WIPF3: variants seen among roughly 807,000 people sequenced by gnomAD.
WIPF3 encodes the protein WAS/WASL-interacting protein family member 3.
WIPF3 carries 33 observed loss-of-function variants against 38.9 expected under a neutral mutation model. The observed-to-expected ratio is 0.85, with a 90% CI of 0.64 to 1.14. The LOEUF is 1.14. WIPF3 is among the 50% of genes most tolerant of loss of function. The pLI is 0.00. For missense variants in WIPF3, 711 were observed against 652.5 expected, an observed-to-expected ratio of 1.09 and a Z score of -0.98; for synonymous variants, 324 against 269.3, an observed-to-expected ratio of 1.20 and a Z score of -1.99.
At chr7:29,907,021 A>G (rs1017023868) in intron 8 of WIPF3, among the ~76,000 whole-genome samples, 3 of 152,204 alleles carry the variant, frequency 2.0e-5, no homozygotes, top group Non-Finnish European at 4.4e-5. Context: ...AGAATACCCA[A>G]GGGAGTCCTA....
intron 2 of WIPF3, among the ~76,000 whole-genome samples, chr7:29,854,633 CCA>C (rs898860847): frequency 9.9e-5 from 15 of 152,256 alleles, no homozygotes; most frequent in Admixed American, 5.2e-4. Flanking sequence ...TTCACAATTA[CCA>C]CGTTTCTTTG....
chr7:29,875,830 G>C lies in WIPF3; in HGVS notation c.91G>C (p.Val31Leu), dbSNP rs1583614147. Residue 31 changes from valine to leucine, a missense_variant and splice_region_variant, in exon 3 of 9, where the codon GTA (valine) becomes CTA (leucine). Transcript: ENST00000242140. ...TCAAATCCCTTTTACTCCCTTACAG[G>C]TAAGCACAGACACCTCCAGCTTGCG... ...PPPPPPSAPP[V>L]STDTSSLRRA... 6.2e-7 allele frequency: 1 copy of C among 1,613,824 alleles called. No homozygotes were observed. Among genetic ancestry groups the C allele is most frequent in the East Asian group, 2.2e-5 (1 of 44,876 alleles).
At chr7:29,822,700 A>G (rs1189609294) in intron 1 of WIPF3, among the ~76,000 whole-genome samples, 1 of 152,252 alleles carries the variant, frequency 6.6e-6, no homozygotes, top group Non-Finnish European at 1.5e-5. Context: ...AACCCGTGTC[A>G]GATCATCCTG....
chr7:29,900,932 G>A (rs1379952717), intron 7 of WIPF3, among the ~76,000 whole-genome samples: 1 of 152,150 alleles, frequency 6.6e-6, no homozygotes, highest in Non-Finnish European at 1.5e-5. Context: ...AGTTAGGTTT[G>A]CTTCAAAGCC....
At chr7:29,826,394 A>AT (rs1784616177) in intron 1 of WIPF3, among the ~76,000 whole-genome samples, 1 of 152,276 alleles carries the variant, frequency 6.6e-6, no homozygotes, top group East Asian at 1.9e-4. Context: ...CAGAATCTGC[A>AT]TTTTAACAAG....
rs749867514 is a variant in WIPF3, at chr7:29,875,849, G to C, written c.110G>C (p.Ser37Thr). 4.3e-6 allele frequency: 7 copies of C among 1,614,066 alleles called. No homozygotes were observed. Among genetic ancestry groups the C allele is most frequent in the Non-Finnish European group, 5.9e-6 (7 of 1,179,888 alleles). The change falls in exon 3 of 9, where the codon AGC becomes ACC. Residue 37 changes from serine (S) to threonine (T), a missense_variant. Transcript: ENST00000242140. ...SAPPVSTDTS[S>T]LRRADPKGRS... The stretch of plus-strand genomic sequence containing the variant: ...TTACAGGTAAGCACAGACACCTCCA[G>C]CTTGCGAAGGGCAGATCCGAAAGGC...
At chr7:29,883,709 C>A in intron 4 of WIPF3, 141 bp from the exon 5 acceptor site, 1 of 1,205,470 alleles carries the variant, frequency 8.3e-7, no homozygotes, top group South Asian at 2.1e-5. Context: ...GCACCTGAGG[C>A]CTCTCAGTGG....
rs758765365 is a variant in WIPF3 at position 29,875,858 on chromosome 7, G to A, written c.119G>A (p.Arg40Lys). The A allele has an allele frequency of 1.9e-5, 30 of 1,613,948 alleles. No individual in the cohort carries two copies. The highest frequency in any genetic ancestry group is 2.5e-5 in the Non-Finnish European group (30 of 1,179,904). ...AGCACAGACACCTCCAGCTTGCGAA[G>A]GGCAGATCCGAAAGGCCGGAGTGCG... ...PVSTDTSSLR[R>K]ADPKGRSALL... Residue 40 changes from arginine to lysine, a missense_variant, in exon 3 of 9, where the codon AGG (arginine) becomes AAG (lysine). Physicochemically the swap from Arg to Lys is conservative, Grantham distance 26. Coordinates refer to ENST00000242140, the MANE Select transcript of WIPF3 (RefSeq NM_001080529.3).
At chr7:29,811,254 T>TATGATG (rs60111327) in intron 1 of WIPF3, among the ~76,000 whole-genome samples, 17,182 of 148,944 alleles carry the variant, frequency 0.12, 1,053 homozygotes, top group African/African-American at 0.16. Flanking sequence ...AATTAGCCAT[T>TATGATG]ATGATGATGA....
At position 29,876,001 on chromosome 7, in the gene WIPF3, GA is replaced by G. The variant is rs1288470658; in HGVS notation, c.223+40del. ...CGGGCCAGGCCTCCTGTGAGCCAAA[GA>G]CAGGACAGGCATGTGAGGCACAGCC... On this transcript the variant is annotated intron_variant, in intron 3 of 8. Transcript: ENST00000242140. The G allele has an allele frequency of 1.1e-5, 18 of 1,607,408 alleles. No homozygotes were observed. In the Admixed American group the frequency reaches 2.2e-4, roughly 19 times the overall value.
chr7:29,881,738 T>TC (rs1312339258), intron 4 of WIPF3, among the ~76,000 whole-genome samples: 1 of 152,240 alleles, frequency 6.6e-6, no homozygotes, highest in Non-Finnish European at 1.5e-5. Context: ...TCCAAGGTCT[T>TC]CTGGAGAACA....
Position 29,884,477 on chromosome 7 carries a change from C to G in WIPF3, c.983C>G (p.Pro328Arg). The G allele has an allele frequency of 6.4e-7, 1 of 1,566,718 alleles. No individual in the cohort carries two copies. Among genetic ancestry groups the G allele is most frequent in the South Asian group, 1.2e-5 (1 of 85,002 alleles). The change falls in exon 5 of 9, where the codon CCT becomes CGT. Residue 328 changes from proline to arginine, a missense_variant. Physicochemically the swap from Pro to Arg is moderately radical, Grantham distance 103 (BLOSUM62 -2). Coordinates refer to ENST00000242140, the MANE Select transcript of WIPF3 (RefSeq NM_001080529.3). ...AGTGAAACTCCACCCCCGCTACCCC[C>G]TAAATCCCCCAGCTTCCAGGCCCCA... ...SSSETPPPLPPKSPSFQAPPQ... is the reference protein window; with the variant it reads ...SSSETPPPLPRKSPSFQAPPQ...
At chr7:29,867,992 C>T (rs889005906) in intron 2 of WIPF3, among the ~76,000 whole-genome samples, 1 of 151,722 alleles carries the variant, frequency 6.6e-6, no homozygotes, top group Non-Finnish European at 1.5e-5. Context: ...TTTTTGTGCT[C>T]AAAAATAAGA....
In WIPF3 at chr7:29,879,030, A is replaced by C. The variant is rs377037903; in HGVS notation, c.245A>C (p.Glu82Ala). ...QIESSKGTNK[E>A]GGGSANTRGA... ...AAAGGTTCTAAAGGAACCAACAAAGAAGGAGGAGGTTCTGCAAACACACGA... is the reference window on the plus strand; with the variant it reads ...AAAGGTTCTAAAGGAACCAACAAAGCAGGAGGAGGTTCTGCAAACACACGA... Residue 82 changes from glutamate (E) to alanine (A), a missense_variant, in exon 4 of 9, where the codon GAA becomes GCA. By Grantham distance (107) the Glu-to-Ala change is moderately radical (BLOSUM62 -1). Coordinates refer to ENST00000242140, the MANE Select transcript of WIPF3 (RefSeq NM_001080529.3). The C allele has an allele frequency of 1.9e-4, 306 of 1,601,514 alleles. 1 individual carries two copies. The Middle Eastern group carries it at 2.3e-3, about 12-fold the overall frequency.
At chr7:29,906,008 C>T (rs1240939622) in intron 8 of WIPF3, 2 of 152,014 alleles carry the variant, frequency 1.3e-5, no homozygotes, top group Middle Eastern at 3.2e-3. Flanking sequence ...AGACAGCCTA[C>T]AACAATCAAA....
At chr7:29,906,054 CA>C (rs1459868441) in intron 8 of WIPF3, 2 of 152,104 alleles carry the variant, frequency 1.3e-5, no homozygotes, top group African/African-American at 4.8e-5. Context: ...GAAAAACCAG[CA>C]AACCCTGGGG....
intron 1 of WIPF3, among the ~76,000 whole-genome samples, chr7:29,822,073 TCTTTA>T (rs1217454714): frequency 1.3e-5 from 2 of 151,842 alleles, no homozygotes; most frequent in African/African-American, 2.4e-5. Flanking sequence ...TAATAAATGT[TCTTTA>T]CTTATCATCG....
Position 29,879,014 on chromosome 7 carries a change from A to G in WIPF3, c.229A>G (p.Lys77Glu), listed in dbSNP as rs1785662380. The change falls in exon 4 of 9, where the codon AAA becomes GAA. Residue 77 changes from lysine (K) to glutamate (E), a missense_variant. By Grantham distance (56) the Lys-to-Glu change is moderately conservative (BLOSUM62 1). Coordinates refer to ENST00000242140, the MANE Select transcript of WIPF3 (RefSeq NM_001080529.3). ...TTTGTGTCTTCTCTCTAAAGGTTCT[A>G]AAGGAACCAACAAAGAAGGAGGAGG... ...DRSAPQIESSKGTNKEGGGSA... is the reference protein window; with the variant it reads ...DRSAPQIESSEGTNKEGGGSA... 6.3e-7 allele frequency: 1 copy of G among 1,597,858 alleles called. No individual in the cohort carries two copies. Among genetic ancestry groups the G allele is most frequent in the Non-Finnish European group, 8.5e-7 (1 of 1,171,150 alleles).
At chr7:29,822,213 A>C (rs759704246) in intron 1 of WIPF3, among the ~76,000 whole-genome samples, 8 of 143,932 alleles carry the variant, frequency 5.6e-5, no homozygotes, top group Non-Finnish European at 1.0e-4. Context: ...TTCTTGGACC[A>C]ACTATTTTCA....
Sources: allele counts gnomAD v4.1 joint callset (sites outside exome capture counted in the v4.1 genomes callset), GRCh38; gene constraint gnomAD v4.1.1; transcripts MANE v1.5; gene names NCBI Gene and HGNC (gene_info 2026-07-23, HGNC 2026-07-21).